LRPPRC: variants seen among roughly 807,000 people sequenced by gnomAD.
LRPPRC encodes leucine rich pentatricopeptide repeat containing, also known as leucine-rich PPR motif-containing protein, mitochondrial.
In LRPPRC, 120 loss-of-function variants were observed where a neutral mutation model predicts 180.3. That is an observed-to-expected ratio of 0.67 (90% CI 0.57 to 0.77). LRPPRC has a LOEUF of 0.77. Ranked by LOEUF, LRPPRC falls within the 30% of genes least tolerant of loss-of-function variation. The pLI is 0.00. For missense variants in LRPPRC, 2,012 were observed against 1,657.2 expected, an observed-to-expected ratio of 1.21 and a Z score of -3.72; for synonymous variants, 723 against 600.0, an observed-to-expected ratio of 1.21 and a Z score of -3.00.
intron 27 of LRPPRC, among the ~76,000 whole-genome samples, chr2:43,918,806 TATAG>T (rs1259369875): frequency 1.5e-5 from 2 of 134,998 alleles, no homozygotes; most frequent in Admixed American, 7.3e-5. Flanking sequence ...TATATATATA[TATAG>T]ATATATATAT....
intron 29 of LRPPRC, among the ~76,000 whole-genome samples, chr2:43,917,389 T>C (rs761076506): frequency 6.6e-6 from 1 of 152,158 alleles, no homozygotes; most frequent in Non-Finnish European, 1.5e-5. Context: ...AAATACATTA[T>C]AGAAATTTTG....
At chr2:43,937,044 A>G (rs1160319455) in intron 23 of LRPPRC, among the ~76,000 whole-genome samples, 1 of 152,136 alleles carries the variant, frequency 6.6e-6, no homozygotes, top group Non-Finnish European at 1.5e-5. Context: ...TTCCAGATCA[A>G]TTCCCAAACT....
intron 35 of LRPPRC, among the ~76,000 whole-genome samples, chr2:43,895,107 C>A (rs527311883): frequency 6.6e-6 from 1 of 152,286 alleles, no homozygotes; most frequent in African/African-American, 2.4e-5. Context: ...TATGCAGACT[C>A]GGCTATGGCT....
chr2:43,953,585 A>C (rs1259342810), intron 14 of LRPPRC, among the ~76,000 whole-genome samples: 1 of 152,208 alleles, frequency 6.6e-6, no homozygotes, highest in Non-Finnish European at 1.5e-5. Context: ...TAAACCCAGG[A>C]ATCAATTAAA....
At position 43,890,296 on chromosome 2, in the gene LRPPRC, C is replaced by A. The variant is rs115826663; in HGVS notation, c.3986-420G>T. On this transcript the variant is annotated intron_variant, in intron 36 of 37. Transcript: ENST00000260665. ...GGAACTGTTGTGGAGAGGGACATGT[C>A]AATTATGTAGAAATCTACATCAACA... 1,177 of 464,190 alleles carry A rather than the reference C, an allele frequency of 2.5e-3. 9 individuals are homozygous for A. In the Middle Eastern group the frequency reaches 0.034, roughly 13 times the overall value. The allele number at this position is 464,190 out of a possible 1,614,324, so 28.8% of individuals were successfully genotyped here. A position where few individuals can be genotyped will look rare whatever the true frequency, so the allele number is the denominator to read the frequency against.
At chr2:43,994,534 G>A (rs900105052) in intron 1 of LRPPRC, among the ~76,000 whole-genome samples, 1 of 152,302 alleles carries the variant, frequency 6.6e-6, no homozygotes, top group East Asian at 1.9e-4. Context: ...GAGATGTTAA[G>A]TAACTTCTCT....
chr2:43,935,295 C>G (rs1672236795), intron 23 of LRPPRC, among the ~76,000 whole-genome samples: 1 of 152,166 alleles, frequency 6.6e-6, no homozygotes, highest in Non-Finnish European at 1.5e-5. Context: ...AATTGTATCT[C>G]AATAATTTCA....
chr2:43,966,988 T>C (rs1673589119), intron 11 of LRPPRC, among the ~76,000 whole-genome samples: 1 of 152,052 alleles, frequency 6.6e-6, no homozygotes, highest in African/African-American at 2.4e-5. Flanking sequence ...AGGGCAGAAG[T>C]TGCAGTGAGC....
intron 27 of LRPPRC, among the ~76,000 whole-genome samples, chr2:43,923,916 G>A (rs1671785919): frequency 6.6e-6 from 1 of 152,106 alleles, no homozygotes; most frequent in Non-Finnish European, 1.5e-5. Flanking sequence ...AGGACCAACT[G>A]CCTAAAATAC....
intron 25 of LRPPRC, among the ~76,000 whole-genome samples, chr2:43,931,000 C>G (rs1034759988): frequency 1.3e-5 from 2 of 152,092 alleles, no homozygotes; most frequent in African/African-American, 4.8e-5. Context: ...TTGGGTTACT[C>G]ATTCTTTTTT....
At chr2:43,899,697 T>C (rs1281912192) in intron 32 of LRPPRC, 92 bp from the exon 33 acceptor site, 2 of 781,712 alleles carry the variant, frequency 2.6e-6, no homozygotes, top group African/African-American at 3.5e-5. Flanking sequence ...TATCCACTCA[T>C]GCTAATACTT....
rs561652937 is a variant in LRPPRC at position 43,919,099 on chromosome 2, T to C, written c.2897-701A>G. ...CCGCTGAGCTCCACCTCCTGTCAGA[T>C]CAGCGGCAGCATTAGATTCTCATAG... is the stretch of plus-strand genomic sequence containing the variant. On this transcript the variant is annotated intron_variant, in intron 27 of 37. Transcript: ENST00000260665. Among the ~76,000 whole-genome samples the C allele has an allele frequency of 4.7e-4, 69 of 147,780 alleles. 2 individuals are homozygous for C. In the South Asian group the frequency reaches 0.014, roughly 30 times the overall value.
intron 23 of LRPPRC, among the ~76,000 whole-genome samples, chr2:43,935,775 A>T (rs1672252981): frequency 2.0e-5 from 3 of 152,146 alleles, no homozygotes; most frequent in East Asian, 1.9e-4. Context: ...CAGGTAATAT[A>T]AAAAAAATAA....
Position 43,966,060 on chromosome 2 carries a change from A to T in LRPPRC, c.1370-2354T>A, listed in dbSNP as rs139054082. The stretch of plus-strand genomic sequence containing the variant: ...TTCACAGTACCCAAGATGTAGAAAC[A>T]TGCTGTCAACAGATAAAGAAAATGT... On this transcript the variant is annotated intron_variant, in intron 11 of 37. Coordinates refer to ENST00000260665, the MANE Select transcript of LRPPRC (RefSeq NM_133259.4). Among the ~76,000 whole-genome samples, 583 of 152,368 alleles carry T rather than the reference A, an allele frequency of 3.8e-3. 1 individual carries two copies. The highest frequency in any genetic ancestry group is 0.013 in the African/African-American group (561 of 41,578).
intron 31 of LRPPRC, chr2:43,902,017 C>CT (rs1396208867): frequency 6.4e-6 from 1 of 155,308 alleles, no homozygotes; most frequent in Non-Finnish European, 1.4e-5. Context: ...AAACATTGAA[C>CT]TTTAACACCA....
At chr2:43,979,088 A>T (rs1285833037) in intron 3 of LRPPRC, among the ~76,000 whole-genome samples, 3 of 152,164 alleles carry the variant, frequency 2.0e-5, no homozygotes, top group Non-Finnish European at 4.4e-5. Context: ...AGGAATGAAC[A>T]TTAAATTGTA....
chr2:43,985,038 T>C (rs1386000477), intron 1 of LRPPRC, among the ~76,000 whole-genome samples: 1 of 151,288 alleles, frequency 6.6e-6, no homozygotes, highest in Non-Finnish European at 1.5e-5. Flanking sequence ...TAGAAAACGA[T>C]CTTATAGTTG....
rs755185722 is a variant in LRPPRC at position 43,899,249 on chromosome 2, G to C, written c.3795C>G (p.Gly1265=). Residue 1265 remains glycine (G), a synonymous_variant, in exon 34 of 38, where the codon GGC becomes GGG. Coordinates refer to ENST00000260665, the MANE Select transcript of LRPPRC (RefSeq NM_133259.4). ...GGAGAGCTCTGGCATCATCCACCTT[G>C]CCTGCATCCACAAGTTGAAGGAAAA... ...TDFFLQLVDA[G]KVDDARALLQ... is the part of the protein sequence containing the mutation. 6 of 1,613,910 alleles carry C rather than the reference G, an allele frequency of 3.7e-6. No individual in the cohort carries two copies. The highest frequency in any genetic ancestry group is 1.1e-5 in the South Asian group (1 of 91,068).
At chr2:43,947,421 T>A in intron 19 of LRPPRC, 51 bp from the exon 20 acceptor site, 1 of 890,328 alleles carries the variant, frequency 1.1e-6, no homozygotes, top group Non-Finnish European at 1.9e-6. Flanking sequence ...GGAAATATAG[T>A]ATGCCTTTTG....
Sources: gnomAD v4.1 joint callset for allele counts (sites outside exome capture counted in the v4.1 genomes callset) on GRCh38, gnomAD v4.1.1 for gene constraint, MANE v1.5 for transcripts, NCBI Gene and HGNC (gene_info 2026-07-23, HGNC 2026-07-21) for gene names.